APP: variants seen among roughly 807,000 people sequenced by gnomAD.
The protein encoded by APP is amyloid beta precursor protein.
A neutral mutation model predicts 101.4 loss-of-function variants in APP; 31 were observed. That is an observed-to-expected ratio of 0.31 (90% CI 0.23 to 0.41). The LOEUF (loss-of-function observed/expected upper bound fraction) is 0.41. APP is among the 10% of genes least tolerant of loss of function. APP has a pLI of 1.00. For missense variants in APP, 839 were observed against 1,003.7 expected (o/e 0.84, Z 2.22); for synonymous variants, 366 against 364.4 (o/e 1.00, Z -0.05).
At chr21:25,912,040 C>T in intron 13 of APP, 78 bp from the exon 14 acceptor site, 1 of 1,166,674 alleles carries the variant, frequency 8.6e-7, no homozygotes, top group Non-Finnish European at 1.3e-6. Context: ...CCATTTACTT[C>T]TGCCAGGCAA....
rs188861016 is a variant in APP, at chr21:26,082,146, G to T, written c.355+7797C>A. On this transcript the variant is annotated intron_variant, in intron 3 of 17. Coordinates refer to ENST00000346798, the MANE Select transcript of APP (RefSeq NM_000484.4). ...AGGCAGGAGAATCGCTTGATCCCAG[G>T]AAGTGGAGGTTGCAGTGAGCCGAGA... 4.7e-4 allele frequency among the ~76,000 whole-genome samples: 71 copies of T among 152,270 alleles called. No homozygotes were observed. In the East Asian group the frequency reaches 0.013, roughly 27 times the overall value.
intron 3 of APP, chr21:26,089,676 C>A: frequency 3.0e-6 from 1 of 338,758 alleles, no homozygotes; most frequent in South Asian, 4.3e-5. Context: ...AGGCATTTTT[C>A]ATTCAGGAGT....
At chr21:25,900,626 T>A (rs1416489334) in intron 15 of APP, among the ~76,000 whole-genome samples, 4 of 152,146 alleles carry the variant, frequency 2.6e-5, no homozygotes, top group Admixed American at 6.5e-5. Context: ...CTGAGATTTT[T>A]AAGAAAACTT....
chr21:26,163,295 T>C (rs2063537674), intron 1 of APP, among the ~76,000 whole-genome samples: 1 of 146,076 alleles, frequency 6.8e-6, no homozygotes, highest in Non-Finnish European at 1.5e-5. Context: ...GAAGTGACAA[T>C]TATTCTTGTT....
At chr21:25,929,289 T>C (rs2040039299) in intron 13 of APP, among the ~76,000 whole-genome samples, 1 of 152,202 alleles carries the variant, frequency 6.6e-6, no homozygotes, top group Non-Finnish European at 1.5e-5. Flanking sequence ...ATAATGTTTT[T>C]ACTAATTATA....
chr21:26,001,335 T>C (rs994447136), intron 6 of APP, among the ~76,000 whole-genome samples: 1 of 152,196 alleles, frequency 6.6e-6, no homozygotes, highest in African/African-American at 2.4e-5. Context: ...CCCATTTTTA[T>C]TGGAAGTGAA....
Position 26,170,665 on chromosome 21 carries a change from A to C in APP, c.-45T>G, listed in dbSNP as rs1462431331. 4.0e-6 allele frequency: 6 copies of C among 1,515,000 alleles called. No homozygotes were observed. The Admixed American group carries it at 1.2e-4, about 31-fold the overall frequency. 93.8% of individuals were successfully genotyped at this position (1,515,000 alleles called of 1,614,324 possible). A position where few individuals can be genotyped will look rare whatever the true frequency, so the allele number is the denominator to read the frequency against. Reference sequence around the variant, plus strand: ...CCGAGTGCGCTGCTGTGCGAGTGGGATCCGCCGCGTCCTTGCTCTGCCCGC... The same window carrying C: ...CCGAGTGCGCTGCTGTGCGAGTGGGCTCCGCCGCGTCCTTGCTCTGCCCGC... On this transcript the variant is annotated 5_prime_UTR_variant, in exon 1 of 18. Transcript: ENST00000346798.
chr21:26,111,375 T>G (rs919200718), intron 2 of APP, among the ~76,000 whole-genome samples: 3 of 151,738 alleles, frequency 2.0e-5, no homozygotes, highest in Non-Finnish European at 2.9e-5. Flanking sequence ...CAGAAAAAAA[T>G]TAATGCTAGC....
At chr21:26,047,291 ATT>A (rs1022621916) in intron 5 of APP, among the ~76,000 whole-genome samples, 1 of 152,206 alleles carries the variant, frequency 6.6e-6, no homozygotes, top group African/African-American at 2.4e-5. Flanking sequence ...TGAATCAAAT[ATT>A]GTTTCCAGGA....
At chr21:25,952,000 G>T (rs975824609) in intron 13 of APP, among the ~76,000 whole-genome samples, 2 of 151,956 alleles carry the variant, frequency 1.3e-5, no homozygotes, top group African/African-American at 2.4e-5. Flanking sequence ...TAGTGTACAG[G>T]GTTCGTTATT....
At chr21:25,994,369 A>G (rs770625913) in intron 8 of APP, among the ~76,000 whole-genome samples, 1 of 152,182 alleles carries the variant, frequency 6.6e-6, no homozygotes, top group Non-Finnish European at 1.5e-5. Flanking sequence ...GTTCACGAAT[A>G]AAATGAAAGC....
intron 11 of APP, among the ~76,000 whole-genome samples, chr21:25,969,329 C>T (rs1221310928): frequency 1.4e-5 from 1 of 73,096 alleles, no homozygotes; most frequent in East Asian, 4.3e-4. Context: ...GCCTGGGCGA[C>T]AAAGCAAGAC....
At chr21:26,166,871 TGA>T (rs559340452) in intron 1 of APP, among the ~76,000 whole-genome samples, 437 of 134,814 alleles carry the variant, frequency 3.2e-3, no homozygotes, top group East Asian at 5.6e-3. Context: ...GTCACTCAAG[TGA>T]GAGAGAGAGA....
At chr21:26,118,627 A>T (rs1182663212) in intron 1 of APP, among the ~76,000 whole-genome samples, 1 of 152,092 alleles carries the variant, frequency 6.6e-6, no homozygotes, top group Non-Finnish European at 1.5e-5. Flanking sequence ...ATCTCGGCTC[A>T]CCGCAACCTC....
At chr21:25,997,833 G>T (rs1348014238) in intron 7 of APP, among the ~76,000 whole-genome samples, 1 of 152,144 alleles carries the variant, frequency 6.6e-6, no homozygotes, top group Non-Finnish European at 1.5e-5. Flanking sequence ...CCATCTAACT[G>T]ATCTTCAGCC....
chr21:25,954,822 G>T, intron 12 of APP, 133 bp from the exon 13 acceptor site: 1 of 737,668 alleles, frequency 1.4e-6, no homozygotes, highest in Non-Finnish European at 2.3e-6. Flanking sequence ...ACCAAGCACT[G>T]CAGGTAGATA....
At chr21:25,887,517 GAAAAAAAAAAAAA>G (rs199637906) in intron 17 of APP, among the ~76,000 whole-genome samples, 1 of 114,464 alleles carries the variant, frequency 8.7e-6, no homozygotes, top group African/African-American at 3.3e-5. Context: ...CTGCTTATTT[GAAAAAAAAAAAAA>G]AAAAAAAAAA....
chr21:25,935,387 G>A (rs1210481164), intron 13 of APP: 2 of 152,188 alleles, frequency 1.3e-5, no homozygotes, highest in East Asian at 3.8e-4. Flanking sequence ...TTTATGGTAT[G>A]AGTGTTTAGT....
intron 1 of APP, among the ~76,000 whole-genome samples, chr21:26,144,867 C>T (rs563497834): frequency 2.0e-3 from 311 of 152,266 alleles, no homozygotes; most frequent in African/African-American, 7.0e-3. Context: ...CAAAGTAAAG[C>T]AAATGGGCCT....
Sources: gnomAD v4.1 joint callset for allele counts (sites outside exome capture counted in the v4.1 genomes callset) on GRCh38, gnomAD v4.1.1 for gene constraint, MANE v1.5 for transcripts, NCBI Gene and HGNC (gene_info 2026-07-23, HGNC 2026-07-21) for gene names.